Variants in FBL observed in about 807,000 individuals in gnomAD.
FBL encodes rRNA 2'-O-methyltransferase fibrillarin.
In FBL, 10 loss-of-function variants were observed where a neutral mutation model predicts 42.2. That is an observed-to-expected ratio of 0.24 (90% CI 0.15 to 0.40). The LOEUF is 0.40. FBL is among the 10% of genes least tolerant of loss of function. The pLI is 1.00. For synonymous variants in FBL, 165 were observed against 165.4 expected (o/e 1.00, Z 0.02); for missense variants, 351 against 439.2 (o/e 0.80, Z 1.79).
intron 7 of FBL, among the ~76,000 whole-genome samples, chr19:39,835,651 T>C (rs1287031282): frequency 1.3e-5 from 2 of 152,144 alleles, no homozygotes. Flanking sequence ...TTTGGCTGGG[T>C]GCAGTGGCTC....
rs1968993668 is a variant in FBL at position 39,834,696 on chromosome 19, C to G, written c.913G>C (p.Asp305His). 1 of 1,614,180 alleles carries G rather than the reference C, an allele frequency of 6.2e-7. No individual in the cohort carries two copies. Among genetic ancestry groups the G allele is most frequent in the Non-Finnish European group, 8.5e-7 (1 of 1,180,028 alleles). The part of the protein sequence containing the change: ...EQLTLEPYER[D>H]HAVVVGVYRP... Reference sequence around the variant, plus strand: ...TACACTCCCACGACCACGGCATGGTCTCTTTCATATGGCTCAAGGGTCAAC... The same window carrying G: ...TACACTCCCACGACCACGGCATGGTGTCTTTCATATGGCTCAAGGGTCAAC... Residue 305 changes from aspartate (D) to histidine (H), a missense_variant, in exon 8 of 9, where the codon GAC becomes CAC. Transcript: ENST00000221801.
chr19:39,838,125 A>T, intron 5 of FBL: 1 of 383,488 alleles, frequency 2.6e-6, no homozygotes, highest in Non-Finnish European at 4.7e-6. Flanking sequence ...GCCAAGGCAC[A>T]GAGATGATGT....
At position 39,838,979 on chromosome 19, in the gene FBL, T is replaced by C. The variant is rs758352433; in HGVS notation, c.549+56A>G. 13 of 1,494,944 alleles carry C rather than the reference T, an allele frequency of 8.7e-6. No individual in the cohort carries two copies. In the East Asian group the frequency reaches 2.3e-4, roughly 26 times the overall value. The allele number at this position is 1,494,944 out of a possible 1,614,324, so 92.6% of individuals were successfully genotyped here. On this transcript the variant is annotated intron_variant, in intron 5 of 8. Transcript: ENST00000221801. The stretch of plus-strand genomic sequence containing the variant: ...AGCAGTCAAACCCTGATATTCCAGG[T>C]TGGCAGAAGGGAGGCAGCCTTTACC...
At chr19:39,843,360 C>T (rs532211963) in intron 1 of FBL, among the ~76,000 whole-genome samples, 14 of 152,278 alleles carry the variant, frequency 9.2e-5, no homozygotes, top group African/African-American at 3.1e-4. Flanking sequence ...AGGGAAGTGC[C>T]GGTCACTCCC....
At position 39,840,315 on chromosome 19, in the gene FBL, C is replaced by G; in HGVS notation, c.296G>C (p.Cys99Ser). 6.2e-7 allele frequency: 1 copy of G among 1,614,008 alleles called. No individual in the cohort carries two copies. Among genetic ancestry groups the G allele is most frequent in the Non-Finnish European group, 8.5e-7 (1 of 1,179,884 alleles). The part of the protein sequence containing the change: ...EPHRHEGVFI[C>S]RGKEDALVTK... Reference sequence around the variant, plus strand: ...GACCAGTGCATCTTCCTTTCCTCGACAAATGAAGACACCTGGGTGAGGGGA... The same window carrying G: ...GACCAGTGCATCTTCCTTTCCTCGAGAAATGAAGACACCTGGGTGAGGGGA... Residue 99 changes from cysteine to serine, a missense_variant, in exon 4 of 9, where the codon TGT becomes TCT. Cys to Ser is a moderately radical substitution (Grantham distance 112). Coordinates refer to ENST00000221801, the MANE Select transcript of FBL (RefSeq NM_001436.4). The surrounding 1 kb of genome is among the most constrained non-coding windows in gnomAD (Gnocchi z 4.5).
chr19:39,836,700 G>A (rs747866372), intron 6 of FBL, 32 bp from the exon 7 acceptor site: 1 of 1,553,342 alleles, frequency 6.4e-7, no homozygotes, highest in Non-Finnish European at 8.9e-7. Flanking sequence ...TTAAAAGTTG[G>A]AGTCACAGGG....
At chr19:39,837,503 T>C (rs1027409826) in intron 6 of FBL, among the ~76,000 whole-genome samples, 1 of 152,110 alleles carries the variant, frequency 6.6e-6, no homozygotes, top group Admixed American at 6.5e-5. Flanking sequence ...GAGAAGAGGT[T>C]GGCCCTCCAA....
intron 6 of FBL, among the ~76,000 whole-genome samples, chr19:39,837,091 T>C (rs1969063703): frequency 6.6e-6 from 1 of 152,132 alleles, no homozygotes; most frequent in African/African-American, 2.4e-5. Context: ...GGGGATGGTA[T>C]GAGTGCATGG....
rs1308278387 is a variant in FBL at position 39,839,064 on chromosome 19, C to T, written c.520G>A (p.Val174Ile). ...LYLGAASGTT[V>I]SHVSDIVGPD... ...CCAACGATGTCAGAGACATGGGAGA[C>T]CGTGGTGCCCGAGGCAGCCCCGAGG... Residue 174 changes from valine to isoleucine, a missense_variant, in exon 5 of 9, where the codon GTC becomes ATC. Physicochemically the swap from Val to Ile is conservative, Grantham distance 29. Coordinates refer to ENST00000221801, the MANE Select transcript of FBL (RefSeq NM_001436.4). The T allele has an allele frequency of 2.5e-6, 4 of 1,613,590 alleles. No homozygotes were observed. The African/African-American group carries it at 5.3e-5, about 22-fold the overall frequency.
Position 39,840,410 on chromosome 19 carries a change from T to C in FBL, c.283+4A>G. 1 of 1,613,878 alleles carries C rather than the reference T, an allele frequency of 6.2e-7. No individual in the cohort carries two copies. Among genetic ancestry groups the C allele is most frequent in the Non-Finnish European group, 8.5e-7 (1 of 1,179,898 alleles). On this transcript the variant is annotated splice_donor_region_variant and intron_variant, in intron 3 of 8. Transcript: ENST00000221801. This position sits in a 1 kb window ranked among gnomAD's most constrained non-coding sequence, Gnocchi z 4.5. ...TCAGCCGGCTCCCTGCCTTCCTCAC[T>C]CACCCTCATGCCGATGCGGCTCCAC... is the stretch of plus-strand genomic sequence containing the variant.
intron 4 of FBL, among the ~76,000 whole-genome samples, chr19:39,839,854 T>C (rs1437691384): frequency 6.6e-6 from 1 of 152,100 alleles, no homozygotes; most frequent in African/African-American, 2.4e-5. Flanking sequence ...AGGGATGCCT[T>C]GACCCGCAGA....
intron 1 of FBL, among the ~76,000 whole-genome samples, chr19:39,843,847 T>G (rs563202895): frequency 1.3e-5 from 2 of 152,310 alleles, no homozygotes; most frequent in South Asian, 4.1e-4. Context: ...ACAGAGCACA[T>G]CACATATATA....
At chr19:39,837,617 C>T in intron 6 of FBL, 94 bp downstream of exon 6, 1 of 1,206,744 alleles carries the variant, frequency 8.3e-7, no homozygotes, top group South Asian at 1.5e-5. Flanking sequence ...TGCTCATCCA[C>T]TCCAACTCCA....
intron 6 of FBL, 47 bp from the exon 7 acceptor site, chr19:39,836,715 C>A (rs777761998): frequency 1.4e-6 from 2 of 1,453,520 alleles, no homozygotes; most frequent in Admixed American, 3.4e-5. Context: ...ACAGGGATCA[C>A]CCCAGATCCT....
Position 39,840,519 on chromosome 19 carries a change from TA to T in FBL, c.182-5del, listed in dbSNP as rs111746297. 5.9e-5 allele frequency: 96 copies of T among 1,614,020 alleles called. 4 individuals are homozygous for T. The African/African-American group carries it at 6.0e-4, about 10-fold the overall frequency. ...CCACCAGAATGGAAGCCTCCACCTA[TA>T]AAGGAGAGGTACAACAGGAGAGAAA... On this transcript the variant is annotated splice_region_variant and splice_polypyrimidine_tract_variant and intron_variant, in intron 2 of 8. Coordinates refer to ENST00000221801, the MANE Select transcript of FBL (RefSeq NM_001436.4). The surrounding 1 kb of genome is among the most constrained non-coding windows in gnomAD (Gnocchi z 4.5).
chr19:39,836,232 T>C (rs919839124), intron 7 of FBL, among the ~76,000 whole-genome samples: 1 of 151,956 alleles, frequency 6.6e-6, no homozygotes, highest in African/African-American at 2.4e-5. Context: ...CAGGATCTTT[T>C]CTAAACACTT....
intron 1 of FBL, among the ~76,000 whole-genome samples, chr19:39,842,252 A>AT (rs891382501): frequency 6.6e-6 from 1 of 151,912 alleles, no homozygotes; most frequent in Admixed American, 6.6e-5. Flanking sequence ...TGCCCGGCTA[A>AT]TTTTTTTGTA....
intron 1 of FBL, among the ~76,000 whole-genome samples, chr19:39,841,149 G>A (rs1384621724): frequency 1.3e-5 from 2 of 152,014 alleles, no homozygotes; most frequent in Non-Finnish European, 1.5e-5. Context: ...ACAGCTCACC[G>A]CAGCCTCGAA....
intron 5 of FBL, 59 bp from the exon 6 acceptor site, chr19:39,837,902 CT>C: frequency 6.8e-7 from 1 of 1,479,026 alleles, no homozygotes; most frequent in Non-Finnish European, 9.3e-7. Flanking sequence ...GGAGTGCCTA[CT>C]TTAGGCCCAT....
Sources: allele counts gnomAD v4.1 joint callset (sites outside exome capture counted in the v4.1 genomes callset), GRCh38; gene constraint gnomAD v4.1.1; non-coding constraint Gnocchi (gnomAD v3.1); transcripts MANE v1.5; gene names NCBI Gene and HGNC (gene_info 2026-07-23, HGNC 2026-07-21).